CXADR: variants seen among roughly 807,000 people sequenced by gnomAD.
CXADR encodes the protein CXADR cell adhesion molecule.
A neutral mutation model predicts 40.3 loss-of-function variants in CXADR; 20 were observed. The observed-to-expected ratio is 0.50, with a 90% CI of 0.35 to 0.72. The LOEUF is 0.72. CXADR is among the 30% of genes least tolerant of loss of function. The probability of loss-of-function intolerance (pLI) is 0.01; values close to 1 mark genes in which losing one functional copy is unlikely to be tolerated. For synonymous variants in CXADR, 150 were observed against 161.3 expected (o/e 0.93, Z 0.53); for missense variants, 332 against 449.1 (o/e 0.74, Z 2.36).
At chr21:17,579,576 G>A (rs1018688804) in intron 7 of CXADR, among the ~76,000 whole-genome samples, 7 of 152,118 alleles carry the variant, frequency 4.6e-5, no homozygotes, top group East Asian at 1.9e-4. Context: ...GAGCCACTGC[G>A]CCCCGCCGGT....
the CXADR span, among the ~76,000 whole-genome samples, chr21:17,622,180 T>G: frequency 2.0e-5 from 3 of 152,202 alleles, no homozygotes; most frequent in African/African-American, 7.2e-5. Flanking sequence ...GTCCTGACAC[T>G]TGATGGCTTA....
chr21:17,591,870 T>C (rs979610696), intron 7 of CXADR, among the ~76,000 whole-genome samples: 2 of 151,964 alleles, frequency 1.3e-5, no homozygotes, highest in Non-Finnish European at 2.9e-5. Flanking sequence ...GGCAAACTTT[T>C]GTACCCCATG....
Position 17,568,285 on chromosome 21 carries a change from C to T in CXADR, c.*2593C>T, listed in dbSNP as rs1039400643. On this transcript the variant is annotated 3_prime_UTR_variant, in exon 7 of 7. Transcript: ENST00000284878. ...CTGGGACTACAGGCTCCCATCACCA[C>T]GCTCGGCTAAGTTTTTGTAATTTTA... 5 of 791,798 alleles carry T rather than the reference C, an allele frequency of 6.3e-6. No homozygotes were observed. The highest frequency in any genetic ancestry group is 1.3e-4 in the East Asian group (1 of 7,868). The allele number at this position is 791,798 out of a possible 1,614,324, so 49.0% of individuals were successfully genotyped here.
the CXADR span, among the ~76,000 whole-genome samples, chr21:17,627,325 C>T: frequency 6.6e-6 from 1 of 152,086 alleles, no homozygotes; most frequent in South Asian, 2.1e-4. Flanking sequence ...CATTGCACTC[C>T]AGCCTGGGCA....
the CXADR span, among the ~76,000 whole-genome samples, chr21:17,607,904 A>G: frequency 1.3e-5 from 2 of 152,228 alleles, no homozygotes; most frequent in African/African-American, 2.4e-5. Flanking sequence ...GGCATGTTTT[A>G]TAGGAGTCTG....
the CXADR span, chr21:17,609,143 A>G: frequency 6.2e-7 from 1 of 1,602,776 alleles, no homozygotes; most frequent in South Asian, 1.1e-5. Flanking sequence ...TTCATTCTTC[A>G]TTTTTTTCCC....
chr21:17,571,162 G>A (rs576728570), downstream of CXADR, among the ~76,000 whole-genome samples: 192 of 152,282 alleles, frequency 1.3e-3, 1 homozygote, highest in African/African-American at 4.5e-3. Flanking sequence ...GCGATTAAAA[G>A]GTGAAGAGCA....
chr21:17,567,372 A>G lies in CXADR; in HGVS notation c.*1680A>G, dbSNP rs1745856694. On this transcript the variant is annotated 3_prime_UTR_variant, in exon 7 of 7. Coordinates refer to ENST00000284878, the MANE Select transcript of CXADR (RefSeq NM_001338.5). The stretch of plus-strand genomic sequence containing the variant: ...TTAAAAACAGGTTTTAACCTTATGT[A>G]AAATTACTTTTATACTCGTGTTAAC... The G allele has an allele frequency of 1.0e-6, 1 of 984,970 alleles. No individual in the cohort carries two copies. Among genetic ancestry groups the G allele is most frequent in the African/African-American group, 1.7e-5 (1 of 57,234 alleles). The allele number at this position is 984,970 out of a possible 1,614,324, so 61.0% of individuals were successfully genotyped here. A position where few individuals can be genotyped will look rare whatever the true frequency, so the allele number is the denominator to read the frequency against.
intron 1 of CXADR, among the ~76,000 whole-genome samples, chr21:17,534,741 T>C (rs1397111505): frequency 6.6e-6 from 1 of 151,682 alleles, no homozygotes; most frequent in East Asian, 1.9e-4. Context: ...AATCTACTTA[T>C]AAATCTTTTA....
chr21:17,577,612 C>CTTTT (rs532541050), intron 7 of CXADR, among the ~76,000 whole-genome samples: 395 of 36,568 alleles, frequency 0.011, 57 homozygotes, highest in East Asian at 0.063. Context: ...ATTCTGCAAG[C>CTTTT]TTTTTTTTTT....
intron 1 of CXADR, among the ~76,000 whole-genome samples, chr21:17,530,100 C>T (rs978776826): frequency 6.9e-6 from 1 of 145,764 alleles, no homozygotes; most frequent in Non-Finnish European, 1.5e-5. Context: ...AGGCGCATGC[C>T]ACCATGCCAG....
chr21:17,612,507 C>T, the CXADR span: 129 of 150,506 alleles, frequency 8.6e-4, no homozygotes, highest in African/African-American at 3.1e-3. Context: ...GCGGGCCGCC[C>T]TCGCGGCCCG....
At chr21:17,627,290 A>T in the CXADR span, among the ~76,000 whole-genome samples, 1 of 152,182 alleles carries the variant, frequency 6.6e-6, no homozygotes, top group East Asian at 1.9e-4. Context: ...TAGGAGGCGG[A>T]GGTTGCGGTG....
At chr21:17,582,381 T>A (rs907070444) in intron 7 of CXADR, among the ~76,000 whole-genome samples, 1 of 152,230 alleles carries the variant, frequency 6.6e-6, no homozygotes, top group South Asian at 2.1e-4. Flanking sequence ...CCTCAAGTTA[T>A]CTGACTGTTT....
chr21:17,629,401 A>T, the CXADR span, among the ~76,000 whole-genome samples: 1 of 151,292 alleles, frequency 6.6e-6, no homozygotes, highest in African/African-American at 2.4e-5. Flanking sequence ...AAAAAAAAAA[A>T]AAAAAATTAA....
the CXADR span, chr21:17,598,873 G>T: frequency 6.8e-7 from 1 of 1,460,396 alleles, no homozygotes; most frequent in Non-Finnish European, 9.3e-7. Context: ...CATCAGCAAA[G>T]CAAAAAATGT....
the CXADR span, among the ~76,000 whole-genome samples, chr21:17,621,117 A>G: frequency 6.6e-6 from 1 of 152,254 alleles, no homozygotes; most frequent in Non-Finnish European, 1.5e-5. Flanking sequence ...TATTAAGCAC[A>G]TTCACATCTA....
chr21:17,523,406 C>G lies in CXADR; in HGVS notation c.43+10234C>G, dbSNP rs188008074. ...CATGGAAGAGGTGAGCAGGGCTGGGCTCTGTGTCCTGCACAGGTCAGCTTT... is the reference window on the plus strand; with the variant it reads ...CATGGAAGAGGTGAGCAGGGCTGGGGTCTGTGTCCTGCACAGGTCAGCTTT... On this transcript the variant is annotated intron_variant, in intron 1 of 6. Transcript: ENST00000284878. Among the ~76,000 whole-genome samples, 162 of 152,276 alleles carry G rather than the reference C, an allele frequency of 1.1e-3. 6 individuals carry two copies. In the East Asian group the frequency reaches 0.023, roughly 22 times the overall value.
intron 1 of CXADR, among the ~76,000 whole-genome samples, chr21:17,534,974 G>A (rs2060735936): frequency 1.3e-5 from 2 of 151,876 alleles, no homozygotes; most frequent in South Asian, 4.2e-4. Context: ...TAGTAGAGAT[G>A]GGGTTTCATC....
Sources: gnomAD v4.1 joint callset for allele counts (sites outside exome capture counted in the v4.1 genomes callset) on GRCh38, gnomAD v4.1.1 for gene constraint, MANE v1.5 for transcripts, NCBI Gene and HGNC (gene_info 2026-07-23, HGNC 2026-07-21) for gene names.